LIPN: variants seen among roughly 807,000 people sequenced by gnomAD.
LIPN encodes lipase family member N.
LIPN carries 32 observed loss-of-function variants against 43.7 expected under a neutral mutation model. That is an observed-to-expected ratio of 0.73 (90% CI 0.55 to 0.98). LIPN has a LOEUF of 0.98. Ranked by LOEUF, LIPN falls within the 50% of genes least tolerant of loss-of-function variation. The pLI, the probability that LIPN is intolerant of heterozygous loss-of-function variation, is 0.00. For synonymous variants in LIPN, 156 were observed against 157.6 expected, an observed-to-expected ratio of 0.99 and a Z score of 0.08; for missense variants, 505 against 483.8, an observed-to-expected ratio of 1.04 and a Z score of -0.41.
At chr10:88,757,594 A>G (rs1353053242), upstream of LIPN, among the ~76,000 whole-genome samples, 1 of 152,138 alleles carries the variant, frequency 6.6e-6, no homozygotes, top group African/African-American at 2.4e-5. Context: ...TTAAAGATGG[A>G]TGTAGTATAG....
At chr10:88,770,512 T>C (rs1249242878) in intron 6 of LIPN, among the ~76,000 whole-genome samples, 1 of 151,852 alleles carries the variant, frequency 6.6e-6, no homozygotes, top group Non-Finnish European at 1.5e-5. Flanking sequence ...TGAGGGCCTT[T>C]ATTGCAATCT....
chr10:88,774,703 A>G (rs532613018), intron 8 of LIPN, among the ~76,000 whole-genome samples, 159 bp downstream of exon 8: 1 of 152,046 alleles, frequency 6.6e-6, no homozygotes, highest in African/African-American at 2.4e-5. Flanking sequence ...CTGGAATTTA[A>G]GAGAAAGGAT....
Position 88,774,456 on chromosome 10 carries a change from A to T in LIPN, c.820-17A>T, listed in dbSNP as rs765819145. The T allele has an allele frequency of 8.2e-6, 13 of 1,587,346 alleles. No individual in the cohort carries two copies. In the African/African-American group the frequency reaches 1.8e-4, roughly 21 times the overall value. On this transcript the variant is annotated splice_polypyrimidine_tract_variant and intron_variant, in intron 7 of 9. Transcript: ENST00000404459. ...TTTGTTGGGCAATTGCTGTAATATG[A>T]GTTTTATCTCCTTTAGAGTCGAATG... is the stretch of plus-strand genomic sequence containing the variant.
chr10:88,761,986 C>T (rs1422226892), intron 2 of LIPN, among the ~76,000 whole-genome samples: 2 of 151,934 alleles, frequency 1.3e-5, no homozygotes, highest in African/African-American at 2.4e-5. Flanking sequence ...TTCCCCCAAC[C>T]CCCCAAAATA....
intron 7 of LIPN, among the ~76,000 whole-genome samples, chr10:88,771,744 C>G (rs560628483): frequency 6.9e-6 from 1 of 145,374 alleles, no homozygotes; most frequent in Admixed American, 6.9e-5. Context: ...GATTGATTTC[C>G]TTTTTTTTTT....
At position 88,764,456 on chromosome 10, in the gene LIPN, T is replaced by C. The variant is rs1358425165; in HGVS notation, c.273T>C (p.Asn91=). The part of the protein sequence containing the change: ...VYMQHALFAD[N]AYWLENYANG... ...TGCAGCATGCCCTGTTTGCAGACAA[T>C]GCCTACTGGCTTGAGAATTATGCTA... The change falls in exon 4 of 10, where the codon AAT becomes AAC. Residue 91 remains asparagine (N), a synonymous_variant. Coordinates refer to ENST00000404459, the MANE Select transcript of LIPN (RefSeq NM_001102469.2). The C allele has an allele frequency of 1.2e-6, 2 of 1,612,486 alleles. No individual in the cohort carries two copies. Among genetic ancestry groups the C allele is most frequent in the East Asian group, 2.2e-5 (1 of 44,820 alleles).
rs749179113 is a variant in LIPN, at chr10:88,775,182, C to A, written c.963+19C>A. The A allele has an allele frequency of 2.0e-6, 3 of 1,468,568 alleles. No homozygotes were observed. Among genetic ancestry groups the A allele is most frequent in the Non-Finnish European group, 2.8e-6 (3 of 1,079,456 alleles). The allele number at this position is 1,468,568 out of a possible 1,614,324, so 91.0% of individuals were successfully genotyped here. A position where few individuals can be genotyped will look rare whatever the true frequency, so the allele number is the denominator to read the frequency against. On this transcript the variant is annotated intron_variant, in intron 9 of 9. Transcript: ENST00000404459. The stretch of plus-strand genomic sequence containing the variant: ...CAATCAGGTGAGCTATTTACAGTAA[C>A]CCCAGCATGCTGATTTTGATAAATT...
In LIPN at chr10:88,761,452, TA is replaced by T; in HGVS notation, c.50del (p.Asn17MetfsTer12). 6.2e-7 allele frequency: 1 copy of T among 1,612,496 alleles called. No individual in the cohort carries two copies. Among genetic ancestry groups the T allele is most frequent in the South Asian group, 1.1e-5 (1 of 91,030 alleles). ...ACAACTTGTTTGATCTGTGGAACTT[TA>T]AATGCTGGTGGATTCCTTGATTTGG... ...LTTTCLICGT[L>X]NAGGFLDLEN... On this transcript the variant is annotated frameshift_variant, in exon 2 of 10. Transcript: ENST00000404459. LOFTEE classifies it high-confidence loss of function.
chr10:88,775,057 CT>C (rs1564585484), intron 8 of LIPN, 34 bp from the exon 9 acceptor site: 2 of 1,405,428 alleles, frequency 1.4e-6, no homozygotes, highest in African/African-American at 2.9e-5. Flanking sequence ...GATTCTTACC[CT>C]AACTATTCTT....
At chr10:88,760,347 G>C (rs957266456) in intron 1 of LIPN, among the ~76,000 whole-genome samples, 2 of 152,018 alleles carry the variant, frequency 1.3e-5, no homozygotes, top group Non-Finnish European at 2.9e-5. Flanking sequence ...TAACATACGT[G>C]AACTATTTAG....
intron 5 of LIPN, among the ~76,000 whole-genome samples, chr10:88,766,983 A>G (rs1401588808): frequency 6.6e-6 from 1 of 151,926 alleles, no homozygotes. Flanking sequence ...TTTTAAGCTG[A>G]CAACTTACTT....
intron 5 of LIPN, among the ~76,000 whole-genome samples, chr10:88,767,644 C>CAAAAAAAAAAAAAAAAAAAACAA (rs1843126337): frequency 1.6e-5 from 1 of 61,484 alleles, no homozygotes; most frequent in Non-Finnish European, 3.0e-5. Flanking sequence ...ACTTGATCTG[C>CAAAAAAAAAAAAAAAAAAAACAA]AAAAAAAAAA....
At chr10:88,769,354 T>G (rs1843166851) in intron 6 of LIPN, among the ~76,000 whole-genome samples, 1 of 151,944 alleles carries the variant, frequency 6.6e-6, no homozygotes, top group Admixed American at 6.6e-5. Context: ...AATATATTCC[T>G]TCCAATATGG....
Position 88,762,208 on chromosome 10 carries a change from T to C in LIPN, c.129T>C (p.Asn43=). ...WMNTSEIIIY[N]GYPSEEYEVT... ...GGCAGAGTGAAATCATCATCTACAA[T>C]GGCTACCCCAGTGAAGAGTATGAAG... Residue 43 remains asparagine (N), a synonymous_variant, in exon 3 of 10, where the codon AAT becomes AAC. Coordinates refer to ENST00000404459, the MANE Select transcript of LIPN (RefSeq NM_001102469.2). 1 of 1,601,518 alleles carries C rather than the reference T, an allele frequency of 6.2e-7. No homozygotes were observed. The highest frequency in any genetic ancestry group is 8.5e-7 in the Non-Finnish European group (1 of 1,171,210).
chr10:88,757,810 T>C (rs1842945240), upstream of LIPN, among the ~76,000 whole-genome samples: 1 of 152,148 alleles, frequency 6.6e-6, no homozygotes, highest in Non-Finnish European at 1.5e-5. Context: ...CACACACATA[T>C]AGACTTATGG....
In LIPN at chr10:88,764,426, G is replaced by A. The variant is rs540748420; in HGVS notation, c.243G>A (p.Val81=). The A allele has an allele frequency of 1.9e-5, 31 of 1,611,380 alleles. No individual in the cohort carries two copies. Among genetic ancestry groups the A allele is most frequent in the Non-Finnish European group, 2.5e-5 (30 of 1,178,572 alleles). Residue 81 remains valine, a synonymous_variant, in exon 4 of 10, where the codon GTG becomes GTA. Coordinates refer to ENST00000404459, the MANE Select transcript of LIPN (RefSeq NM_001102469.2). ...HARSTGPRPV[V]YMQHALFADN... ...CCCCACCAGGTCCCCGGCCAGTTGT[G>A]TATATGCAGCATGCCCTGTTTGCAG...
chr10:88,769,101 C>T (rs1564582565), intron 6 of LIPN, among the ~76,000 whole-genome samples, 173 bp downstream of exon 6: 3 of 151,892 alleles, frequency 2.0e-5, no homozygotes, highest in Admixed American at 6.6e-5. Flanking sequence ...CATGTCTGTG[C>T]CATAGTATCT....
At chr10:88,769,611 G>A in intron 6 of LIPN, 1 of 982,366 alleles carries the variant, frequency 1.0e-6, no homozygotes, top group Non-Finnish European at 1.2e-6. Flanking sequence ...TTTGAACTTG[G>A]GATGATGGAT....
upstream of LIPN, among the ~76,000 whole-genome samples, chr10:88,759,168 C>T (rs1161696598): frequency 6.6e-6 from 1 of 152,164 alleles, no homozygotes; most frequent in East Asian, 1.9e-4. Flanking sequence ...AAATTTCCCA[C>T]TCCACTAAAA....
Sources: gnomAD v4.1 joint callset for allele counts (sites outside exome capture counted in the v4.1 genomes callset) on GRCh38, gnomAD v4.1.1 for gene constraint, MANE v1.5 for transcripts, NCBI Gene and HGNC (gene_info 2026-07-23, HGNC 2026-07-21) for gene names.